ZNF709: variants seen among roughly 807,000 people sequenced by gnomAD.
ZNF709 encodes the protein zinc finger protein 709.
In ZNF709, 15 loss-of-function variants were observed where a neutral mutation model predicts 10.6. That is an observed-to-expected ratio of 1.41 (90% CI 0.95 to 2.18). The LOEUF (loss-of-function observed/expected upper bound fraction) is 2.18, where lower values mean the gene tolerates loss of function less well. ZNF709 is among the 30% of genes most tolerant of loss of function. ZNF709 has a pLI of 0.00. For synonymous variants in ZNF709, 194 were observed against 238.8 expected (o/e 0.81, Z 1.73); for missense variants, 589 against 774.0 (o/e 0.76, Z 2.84).
At chr19:12,468,661 C>T (rs1970605774) in intron 1 of ZNF709, among the ~76,000 whole-genome samples, 4 of 148,116 alleles carry the variant, frequency 2.7e-5, no homozygotes, top group African/African-American at 1.0e-4. Context: ...CCAAATCCCC[C>T]TCTGCGAGAA....
rs183502634 is a variant in ZNF709 at position 12,465,080 on chromosome 19, T to G, written c.842A>C (p.Gln281Pro). Residue 281 changes from glutamine (Q) to proline (P), a missense_variant, in exon 4 of 4, where the codon CAG (glutamine) becomes CCG (proline). Coordinates refer to ENST00000397732, the MANE Select transcript of ZNF709 (RefSeq NM_152601.4). ...ERTHTGEKPY[Q>P]CKQCGKALSC... ...AAGAGCTTTACCACATTGCTTACAC[T>G]GATAGGGTTTTTCCCCAGTGTGAGT... 8.1e-6 allele frequency: 13 copies of G among 1,612,940 alleles called. No individual in the cohort carries two copies. In the African/African-American group the frequency reaches 9.4e-5, roughly 12 times the overall value.
chr19:12,472,862 G>A (rs2144998874), intron 1 of ZNF709, among the ~76,000 whole-genome samples: 1 of 151,816 alleles, frequency 6.6e-6, no homozygotes, highest in South Asian at 2.1e-4. Flanking sequence ...CAGCCTGGGT[G>A]ACAGAGTGAG....
intron 1 of ZNF709, among the ~76,000 whole-genome samples, chr19:12,477,113 G>T (rs2145003949): frequency 6.6e-6 from 1 of 152,256 alleles, no homozygotes; most frequent in South Asian, 2.1e-4. Context: ...GTTGGATATT[G>T]GTATAGGGGC....
chr19:12,465,880 G>C (rs1970566336), intron 3 of ZNF709, 147 bp from the exon 4 acceptor site: 1 of 542,116 alleles, frequency 1.8e-6, no homozygotes, highest in Non-Finnish European at 3.0e-6. Context: ...TGAATGCTCA[G>C]GAAGAGTACT....
Position 12,463,958 on chromosome 19 carries a change from C to T in ZNF709, c.*38G>A. The T allele has an allele frequency of 9.6e-7, 1 of 1,043,940 alleles. No homozygotes were observed. The highest frequency in any genetic ancestry group is 1.7e-5 in the African/African-American group (1 of 59,260). The allele number at this position is 1,043,940 out of a possible 1,614,324, so 64.7% of individuals were successfully genotyped here. A position where few individuals can be genotyped will look rare whatever the true frequency, so the allele number is the denominator to read the frequency against. On this transcript the variant is annotated 3_prime_UTR_variant, in exon 4 of 4. Transcript: ENST00000397732. Reference sequence around the variant, plus strand: ...AAAAAAAAAAAAAAAGGAAATAGGACAACTGAAAACTTTGCCATATTGCTT... The same window carrying T: ...AAAAAAAAAAAAAAAGGAAATAGGATAACTGAAAACTTTGCCATATTGCTT...
intron 1 of ZNF709, among the ~76,000 whole-genome samples, chr19:12,480,682 C>CAAA (rs373494664): frequency 3.2e-5 from 4 of 125,614 alleles, no homozygotes; most frequent in African/African-American, 3.2e-5. Flanking sequence ...GACTCCGTCT[C>CAAA]AAAAAAAAAA....
At chr19:12,483,442 A>G (rs941285019) in intron 1 of ZNF709, among the ~76,000 whole-genome samples, 5 of 151,746 alleles carry the variant, frequency 3.3e-5, no homozygotes, top group African/African-American at 1.2e-4. Context: ...GCGTGAGCCA[A>G]CGCTCCTAGC....
intron 1 of ZNF709, among the ~76,000 whole-genome samples, chr19:12,468,690 T>TA (rs1039961850): frequency 0.021 from 1,743 of 82,304 alleles, 29 homozygotes; most frequent in African/African-American, 0.059. Context: ...GAATGATCAA[T>TA]AAAAAAAAAA....
At chr19:12,478,688 C>T (rs879456) in intron 1 of ZNF709, among the ~76,000 whole-genome samples, 115,985 of 152,174 alleles carry the variant, frequency 0.76, 44,523 homozygotes, top group Non-Finnish European at 0.79. Flanking sequence ...GGCAGGCTGC[C>T]CAAGCAGGTG....
At position 12,467,967 on chromosome 19, in the gene ZNF709, CGGGAGGGAG is replaced by C. The variant is rs1391646306; in HGVS notation, c.4-1126_4-1118del. On this transcript the variant is annotated intron_variant, in intron 1 of 3. Coordinates refer to ENST00000397732, the MANE Select transcript of ZNF709 (RefSeq NM_152601.4). ...CCCCCGCACGGCCAGCCGCCCCGTC[CGGGAGGGAG>C]GTGGGGGTCAGCCCCCGCACGGCCA... Among the ~76,000 whole-genome samples, 13 of 151,870 alleles carry C rather than the reference CGGGAGGGAG, an allele frequency of 8.6e-5. No individual in the cohort carries two copies. In the South Asian group the frequency reaches 1.0e-3, roughly 12 times the overall value.
At chr19:12,473,678 C>A (rs1009936407) in intron 1 of ZNF709, among the ~76,000 whole-genome samples, 2 of 152,168 alleles carry the variant, frequency 1.3e-5, no homozygotes, top group Non-Finnish European at 2.9e-5. Context: ...ACAAAAGTTT[C>A]TTTCCCCCTT....
At chr19:12,466,230 C>T (rs1264169528) in intron 3 of ZNF709, among the ~76,000 whole-genome samples, 1 of 152,138 alleles carries the variant, frequency 6.6e-6, no homozygotes, top group Non-Finnish European at 1.5e-5. Flanking sequence ...CATGAGCCAC[C>T]ATGCCTGGCC....
rs766156715 is a variant in ZNF709, at chr19:12,466,517, C to T, written c.133G>A (p.Glu45Lys). ...TCAATGTTCTTCTCCTCCCAGTTTT[C>T]CCCTAAAATGCAGGCCCAGAAAAAT... is the stretch of plus-strand genomic sequence containing the variant. ...ETFVNLASIG[E>K]NWEEKNIEDH... Residue 45 changes from glutamate to lysine, a missense_variant and splice_region_variant, in exon 3 of 4, where the codon GAA becomes AAA. This residue lies in a region of ZNF709 where 418 missense variants were observed against 496.3 expected (regional missense o/e 0.84). Coordinates refer to ENST00000397732, the MANE Select transcript of ZNF709 (RefSeq NM_152601.4). 1.7e-5 allele frequency: 27 copies of T among 1,613,856 alleles called. No individual in the cohort carries two copies. In the African/African-American group the frequency reaches 3.3e-4, roughly 20 times the overall value.
At chr19:12,477,171 T>C (rs1270645982) in intron 1 of ZNF709, among the ~76,000 whole-genome samples, 2 of 152,202 alleles carry the variant, frequency 1.3e-5, no homozygotes, top group Non-Finnish European at 2.9e-5. Flanking sequence ...CCATTGTGGG[T>C]TGCCATTCAT....
intron 1 of ZNF709, chr19:12,481,199 A>G (rs1276464550): frequency 1.0e-6 from 1 of 984,274 alleles, no homozygotes; most frequent in African/African-American, 1.7e-5. Flanking sequence ...CTCTTGCCTA[A>G]AAGAAACAAA....
Position 12,476,118 on chromosome 19 carries a change from G to A in ZNF709, c.3+8537C>T, listed in dbSNP as rs115103228. 2.5e-3 allele frequency among the ~76,000 whole-genome samples: 374 copies of A among 152,310 alleles called. 2 individuals are homozygous for A. Among genetic ancestry groups the A allele is most frequent in the African/African-American group, 8.6e-3 (356 of 41,566 alleles). Reference sequence around the variant, plus strand: ...ACTAAATGTAAAATCTAGGCCAGGAGCAGTGGCTCATGCCTGTAATCCCAG... The same window carrying A: ...ACTAAATGTAAAATCTAGGCCAGGAACAGTGGCTCATGCCTGTAATCCCAG... On this transcript the variant is annotated intron_variant, in intron 1 of 3. Coordinates refer to ENST00000397732, the MANE Select transcript of ZNF709 (RefSeq NM_152601.4).
At chr19:12,468,790 T>C (rs991310309) in intron 1 of ZNF709, among the ~76,000 whole-genome samples, 2 of 152,062 alleles carry the variant, frequency 1.3e-5, no homozygotes, top group African/African-American at 4.8e-5. Context: ...TCTCCTGCTT[T>C]ATCATGTACT....
At chr19:12,467,486 C>T (rs972206282) in intron 1 of ZNF709, among the ~76,000 whole-genome samples, 4 of 152,162 alleles carry the variant, frequency 2.6e-5, no homozygotes, top group Non-Finnish European at 4.4e-5. Flanking sequence ...GATCTCGGCT[C>T]GCTACAACCT....
chr19:12,465,600 C>T lies in ZNF709; in HGVS notation c.322G>A (p.Gly108Arg). ...GATGAATGACACATATAGTCCTTTCCACACACACTACATTCATATGGTTTT... is the reference window on the plus strand; with the variant it reads ...GATGAATGACACATATAGTCCTTTCTACACACACTACATTCATATGGTTTT... ...RVKPYECSVC[G>R]KDYMCHSSLN... Residue 108 changes from glycine (G) to arginine (R), a missense_variant, in exon 4 of 4, where the codon GGA becomes AGA. Physicochemically the swap from Gly to Arg is moderately radical, Grantham distance 125. Transcript: ENST00000397732. 1.2e-6 allele frequency: 2 copies of T among 1,613,828 alleles called. No homozygotes were observed. The highest frequency in any genetic ancestry group is 4.5e-5 in the East Asian group (2 of 44,864).
Sources: allele counts gnomAD v4.1 joint callset (sites outside exome capture counted in the v4.1 genomes callset), GRCh38; gene constraint gnomAD v4.1.1; regional missense constraint gnomAD v4.1.1; transcripts MANE v1.5; gene names NCBI Gene and HGNC (gene_info 2026-07-23, HGNC 2026-07-21).